Variants in TMOD1 observed in about 807,000 individuals in gnomAD.
TMOD1 encodes the protein tropomodulin 1, also known as tropomodulin-1.
In TMOD1, 17 loss-of-function variants were observed where a neutral mutation model predicts 40.6. The ratio of observed to expected loss-of-function variants is 0.42; its 90% CI spans 0.29 to 0.63. TMOD1 has a LOEUF of 0.63. Among genes scored for constraint, TMOD1 ranks in the 20% least tolerant of loss-of-function variants. The pLI is 0.22. For missense variants in TMOD1, 391 were observed against 447.6 expected (o/e 0.87, Z 1.14); for synonymous variants, 181 against 175.0 (o/e 1.03, Z -0.27).
At chr9:97,518,060 G>A (rs1356998418) in intron 1 of TMOD1, among the ~76,000 whole-genome samples, 1 of 152,102 alleles carries the variant, frequency 6.6e-6, no homozygotes, top group Non-Finnish European at 1.5e-5. Flanking sequence ...GGGCCCCCCA[G>A]CTTCTCTTCA....
At position 97,524,335 on chromosome 9, in the gene TMOD1, T is replaced by C. The variant is rs201953923; in HGVS notation, c.120+27T>C. The C allele has an allele frequency of 3.4e-5, 55 of 1,609,858 alleles. No homozygotes were observed. In the South Asian group the frequency reaches 3.7e-4, roughly 11 times the overall value. On this transcript the variant is annotated intron_variant, in intron 2 of 9. Transcript: ENST00000259365. ...TGAGTAGGTGCTAAAGGGAAGCACA[T>C]TGTCACTAGCGAGGGGACCTGGGGA...
Position 97,562,829 on chromosome 9 carries a change from T to G in TMOD1, c.487+8T>G. 6.3e-7 allele frequency: 1 copy of G among 1,580,092 alleles called. No individual in the cohort carries two copies. The highest frequency in any genetic ancestry group is 1.2e-5 in the South Asian group (1 of 84,728). On this transcript the variant is annotated splice_region_variant and intron_variant, in intron 5 of 9. Transcript: ENST00000259365. The stretch of plus-strand genomic sequence containing the variant: ...ACAAGGAGGGGCTCAACAGTGAGTA[T>G]GCGCCCGCCCCCAGGAGGGACCTCA...
intron 8 of TMOD1, among the ~76,000 whole-genome samples, chr9:97,590,380 C>T (rs1587963981): frequency 6.6e-6 from 1 of 152,048 alleles, no homozygotes; most frequent in Non-Finnish European, 1.5e-5. Context: ...CCCGCCATCA[C>T]ACCTGGCTAT....
chr9:97,539,890 T>C (rs1410911250), intron 2 of TMOD1, among the ~76,000 whole-genome samples: 1 of 135,302 alleles, frequency 7.4e-6, no homozygotes, highest in Non-Finnish European at 1.5e-5. Context: ...GGCGTGAACC[T>C]GGAGGTGGGG....
intron 4 of TMOD1, among the ~76,000 whole-genome samples, chr9:97,559,829 ATCTATC>A (rs1563990775): frequency 0.056 from 3,419 of 60,834 alleles, 221 homozygotes; most frequent in Non-Finnish European, 0.077. Flanking sequence ...ATATATGTCT[ATCTATC>A]TATCTATCTA....
At chr9:97,511,067 C>T (rs950015683) in intron 1 of TMOD1, among the ~76,000 whole-genome samples, 18 of 131,290 alleles carry the variant, frequency 1.4e-4, no homozygotes, top group Non-Finnish European at 2.1e-4. Context: ...TGCACCCGCG[C>T]GCGCACACAC....
chr9:97,590,580 A>G (rs1279731645), intron 8 of TMOD1, among the ~76,000 whole-genome samples: 1 of 151,024 alleles, frequency 6.6e-6, no homozygotes, highest in Non-Finnish European at 1.5e-5. Context: ...ACTGTGATGA[A>G]CATCCTCATC....
At position 97,552,913 on chromosome 9, in the gene TMOD1, T is replaced by C. The variant is rs189419107; in HGVS notation, c.278-368T>C. Among the ~76,000 whole-genome samples the C allele has an allele frequency of 2.4e-3, 372 of 152,354 alleles. 1 individual carries two copies. The highest frequency in any genetic ancestry group is 8.6e-3 in the African/African-American group (359 of 41,580). ...TTGTTTGTTTAGAAATGTTTATACATTTTTCTCTCATTTCCCAAGGTCTCA... is the reference window on the plus strand; with the variant it reads ...TTGTTTGTTTAGAAATGTTTATACACTTTTCTCTCATTTCCCAAGGTCTCA... On this transcript the variant is annotated intron_variant, in intron 3 of 9. Coordinates refer to ENST00000259365, the MANE Select transcript of TMOD1 (RefSeq NM_003275.4).
At chr9:97,560,142 TAA>T (rs10716667) in intron 4 of TMOD1, among the ~76,000 whole-genome samples, 1 of 151,038 alleles carries the variant, frequency 6.6e-6, no homozygotes, top group African/African-American at 2.4e-5. Context: ...GGATATTTTT[TAA>T]AAAATCACCA....
chr9:97,589,256 C>T (rs1382507895), intron 8 of TMOD1, among the ~76,000 whole-genome samples: 2 of 148,286 alleles, frequency 1.3e-5, no homozygotes, highest in Non-Finnish European at 3.0e-5. Flanking sequence ...ATCTTATATT[C>T]TGTAATTTTG....
chr9:97,580,642 A>AAGGG (rs1298274086), intron 8 of TMOD1, among the ~76,000 whole-genome samples: 26 of 146,038 alleles, frequency 1.8e-4, no homozygotes, highest in African/African-American at 6.2e-4. Flanking sequence ...GGAGGGAAGG[A>AAGGG]AGGGAGGGAG....
chr9:97,563,783 C>G (rs577120897), intron 5 of TMOD1, among the ~76,000 whole-genome samples: 10 of 152,272 alleles, frequency 6.6e-5, no homozygotes, highest in African/African-American at 1.7e-4. Flanking sequence ...AGATGTAGAC[C>G]CAAGGTTCAG....
At chr9:97,555,853 A>G (rs1289095210) in intron 4 of TMOD1, 1 of 718,564 alleles carries the variant, frequency 1.4e-6, no homozygotes, top group Non-Finnish European at 2.4e-6. Flanking sequence ...AAACCCAGGC[A>G]ACTTCATTCT....
chr9:97,589,483 G>A (rs746865687), intron 8 of TMOD1, among the ~76,000 whole-genome samples: 47 of 150,514 alleles, frequency 3.1e-4, no homozygotes, highest in East Asian at 7.8e-4. Flanking sequence ...GTTTCACCAC[G>A]TTGGCCAGGA....
intron 2 of TMOD1, among the ~76,000 whole-genome samples, chr9:97,532,473 C>A (rs919099844): frequency 6.6e-6 from 1 of 152,190 alleles, no homozygotes; most frequent in Non-Finnish European, 1.5e-5. Context: ...TCCACCCTGG[C>A]AACACTGAGC....
At chr9:97,575,027 CG>C (rs1313471633) in intron 8 of TMOD1, among the ~76,000 whole-genome samples, 15 of 152,166 alleles carry the variant, frequency 9.9e-5, no homozygotes, top group Non-Finnish European at 2.1e-4. Context: ...AGCAGGCTGC[CG>C]GATAACGCAG....
Position 97,535,580 on chromosome 9 carries a change from C to T in TMOD1, c.121-10605C>T, listed in dbSNP as rs532709065. Reference sequence around the variant, plus strand: ...GCTGTGAGCCCCTCTGGGCTGGGATCGTACCGTCATTGTCTCAGGATACCC... The same window carrying T: ...GCTGTGAGCCCCTCTGGGCTGGGATTGTACCGTCATTGTCTCAGGATACCC... On this transcript the variant is annotated intron_variant, in intron 2 of 9. Coordinates refer to ENST00000259365, the MANE Select transcript of TMOD1 (RefSeq NM_003275.4). Among the ~76,000 whole-genome samples the T allele has an allele frequency of 1.6e-4, 25 of 152,286 alleles. No homozygotes were observed. The East Asian group carries it at 3.1e-3, about 19-fold the overall frequency.
intron 2 of TMOD1, among the ~76,000 whole-genome samples, chr9:97,536,986 T>C (rs568982634): frequency 6.6e-6 from 1 of 152,362 alleles, no homozygotes; most frequent in East Asian, 1.9e-4. Context: ...GAGCCACCAG[T>C]CTGAAGATAG....
In TMOD1 at chr9:97,545,242, A is replaced by G. The variant is rs113576201; in HGVS notation, c.121-943A>G. On this transcript the variant is annotated intron_variant, in intron 2 of 9. Coordinates refer to ENST00000259365, the MANE Select transcript of TMOD1 (RefSeq NM_003275.4). ...GATCTGTCCTGAAATTCCTTGGGCAAATCTTTCCTTGCTCTGTGCCTCAGT... is the reference window on the plus strand; with the variant it reads ...GATCTGTCCTGAAATTCCTTGGGCAGATCTTTCCTTGCTCTGTGCCTCAGT... Among the ~76,000 whole-genome samples the G allele has an allele frequency of 3.8e-3, 575 of 152,304 alleles. 3 individuals carry two copies. Among genetic ancestry groups the G allele is most frequent in the African/African-American group, 0.013 (551 of 41,562 alleles).
Sources: allele counts gnomAD v4.1 joint callset (sites outside exome capture counted in the v4.1 genomes callset), GRCh38; gene constraint gnomAD v4.1.1; transcripts MANE v1.5; gene names NCBI Gene and HGNC (gene_info 2026-07-23, HGNC 2026-07-21).